The following SETBP1 variants were observed in gnomAD, a reference collection of about 807,000 sequenced individuals.
The protein encoded by SETBP1 is SET binding protein 1.
In SETBP1, 9 loss-of-function variants were observed where a neutral mutation model predicts 101.0. The ratio of observed to expected loss-of-function variants is 0.09; its 90% CI spans 0.05 to 0.16. The LOEUF is 0.16. Ranked by LOEUF, SETBP1 falls within the 10% of genes least tolerant of loss-of-function variation. The pLI, the probability that SETBP1 is intolerant of heterozygous loss-of-function variation, is 1.00. For missense variants in SETBP1, 1,858 were observed against 2,033.8 expected (o/e 0.91, Z 1.66); for synonymous variants, 818 against 788.5 (o/e 1.04, Z -0.63).
At chr18:44,778,936 C>T (rs75021027) in intron 2 of SETBP1, among the ~76,000 whole-genome samples, 193 of 8,506 alleles carry the variant, frequency 0.023, no homozygotes, top group Middle Eastern at 0.056. Context: ...CTTCGAGCTG[C>T]GAGCTGAGCA....
At chr18:44,734,746 T>C (rs1225743947) in intron 2 of SETBP1, among the ~76,000 whole-genome samples, 1 of 152,206 alleles carries the variant, frequency 6.6e-6, no homozygotes, top group Non-Finnish European at 1.5e-5. Flanking sequence ...AGTCATTTCC[T>C]GGCAAAATGT....
rs192082217 is a variant in SETBP1 at position 44,952,539 on chromosome 18, G to A, written c.3199G>A (p.Gly1067Ser). 1.5e-5 allele frequency: 25 copies of A among 1,614,012 alleles called. No homozygotes were observed. In the East Asian group the frequency reaches 3.8e-4, roughly 24 times the overall value. The change falls in exon 4 of 6, where the codon GGT (glycine) becomes AGT (serine). Residue 1067 changes from glycine to serine, a missense_variant. Transcript: ENST00000649279. ...GCCTATGATGAACCTTGGTTATTACGGTCAGTACCCAGCTCCTTTGTACCT... is the reference window on the plus strand; with the variant it reads ...GCCTATGATGAACCTTGGTTATTACAGTCAGTACCCAGCTCCTTTGTACCT... ...SMPMMNLGYY[G>S]QYPAPLYLSH... is the part of the protein sequence containing the mutation.
At chr18:44,800,726 G>A (rs1309438857) in intron 2 of SETBP1, among the ~76,000 whole-genome samples, 1 of 152,204 alleles carries the variant, frequency 6.6e-6, no homozygotes, top group Non-Finnish European at 1.5e-5. Flanking sequence ...GAAACAGTGG[G>A]AAATGAGACT....
At chr18:45,004,359 C>T (rs986345220) in intron 4 of SETBP1, among the ~76,000 whole-genome samples, 2 of 152,196 alleles carry the variant, frequency 1.3e-5, no homozygotes, top group African/African-American at 4.8e-5. Flanking sequence ...TGATTGGCCT[C>T]ATTGTACCTT....
chr18:44,885,863 A>AAAAAAAAAAAAAC (rs2069634364), intron 3 of SETBP1, among the ~76,000 whole-genome samples: 1 of 125,166 alleles, frequency 8.0e-6, no homozygotes, highest in Non-Finnish European at 1.8e-5. Context: ...AAAACAAAAA[A>AAAAAAAAAAAAAC]AAAAACAAGG....
At chr18:44,897,883 A>C (rs1423375616) in intron 3 of SETBP1, among the ~76,000 whole-genome samples, 1 of 152,202 alleles carries the variant, frequency 6.6e-6, no homozygotes, top group Non-Finnish European at 1.5e-5. Context: ...TTTTTAGTGC[A>C]CTTCTGGGAG....
At chr18:44,881,636 C>A (rs2069532021) in intron 3 of SETBP1, among the ~76,000 whole-genome samples, 1 of 152,098 alleles carries the variant, frequency 6.6e-6, no homozygotes, top group Non-Finnish European at 1.5e-5. Flanking sequence ...TTTTGTTTAC[C>A]CTGAATGTAC....
intron 3 of SETBP1, among the ~76,000 whole-genome samples, chr18:44,907,060 C>T (rs2070192356): frequency 6.6e-6 from 1 of 152,222 alleles, no homozygotes; most frequent in Non-Finnish European, 1.5e-5. Context: ...TACTAACTTA[C>T]TTTCTGTTCC....
chr18:44,774,377 G>T (rs2070946219), intron 2 of SETBP1, among the ~76,000 whole-genome samples: 1 of 150,814 alleles, frequency 6.6e-6, no homozygotes, highest in African/African-American at 2.4e-5. Context: ...GTGTGTGTGG[G>T]TGTGTGTGTG....
chr18:44,753,437 A>T (rs1307969332), intron 2 of SETBP1, among the ~76,000 whole-genome samples: 2 of 152,244 alleles, frequency 1.3e-5, no homozygotes, highest in Non-Finnish European at 2.9e-5. Context: ...TGGGTTACTT[A>T]ATGTCGTAGA....
chr18:45,032,266 CGTT>C (rs1165588597), intron 4 of SETBP1, among the ~76,000 whole-genome samples: 1 of 152,114 alleles, frequency 6.6e-6, no homozygotes, highest in African/African-American at 2.4e-5. Flanking sequence ...GTGAAGGACT[CGTT>C]GGACATCCTT....
intron 4 of SETBP1, among the ~76,000 whole-genome samples, chr18:45,028,252 A>T (rs8092094): frequency 0.44 from 66,090 of 148,752 alleles, 14,977 homozygotes; most frequent in African/African-American, 0.55. Context: ...TGAGTGAGAA[A>T]ATGCAGTGTT....
chr18:44,699,981 A>T (rs1029284962), intron 1 of SETBP1, among the ~76,000 whole-genome samples: 1 of 152,056 alleles, frequency 6.6e-6, no homozygotes, highest in Non-Finnish European at 1.5e-5. Flanking sequence ...AGAGGTAGAA[A>T]CCTAAGATGT....
intron 2 of SETBP1, among the ~76,000 whole-genome samples, chr18:44,863,400 T>A (rs1252264767): frequency 6.6e-6 from 1 of 152,056 alleles, no homozygotes; most frequent in Non-Finnish European, 1.5e-5. Flanking sequence ...CAATGGAGAG[T>A]GTGGGGCTAG....
intron 3 of SETBP1, among the ~76,000 whole-genome samples, chr18:44,892,417 T>C (rs1464533855): frequency 6.6e-6 from 1 of 152,166 alleles, no homozygotes; most frequent in Non-Finnish European, 1.5e-5. Context: ...CAGACAGCAT[T>C]GACATAATGT....
At chr18:44,817,996 G>A (rs891285395) in intron 2 of SETBP1, among the ~76,000 whole-genome samples, 1 of 152,132 alleles carries the variant, frequency 6.6e-6, no homozygotes, top group African/African-American at 2.4e-5. Flanking sequence ...ATTGACTTAC[G>A]GCTTGAACAT....
chr18:44,757,799 T>C (rs1451164988), intron 2 of SETBP1, among the ~76,000 whole-genome samples: 1 of 152,186 alleles, frequency 6.6e-6, no homozygotes, highest in Non-Finnish European at 1.5e-5. Context: ...TTTGAAAGTA[T>C]TATAGGAAGC....
At chr18:44,989,657 C>G (rs927921539) in intron 4 of SETBP1, among the ~76,000 whole-genome samples, 5 of 151,418 alleles carry the variant, frequency 3.3e-5, no homozygotes, top group African/African-American at 9.7e-5. Context: ...ATCACGAGGT[C>G]AGGAGATCGA....
chr18:44,759,358 T>G (rs1323960722), intron 2 of SETBP1, among the ~76,000 whole-genome samples: 3 of 152,218 alleles, frequency 2.0e-5, no homozygotes, highest in Non-Finnish European at 4.4e-5. Flanking sequence ...GCGAAGGTGA[T>G]ACGTTCAACA....
Sources: allele counts gnomAD v4.1 joint callset (sites outside exome capture counted in the v4.1 genomes callset), GRCh38; gene constraint gnomAD v4.1.1; transcripts MANE v1.5; gene names NCBI Gene and HGNC (gene_info 2026-07-23, HGNC 2026-07-21).